The following CACNA2D3 variants were observed in gnomAD, a reference collection of about 807,000 sequenced individuals.
CACNA2D3 encodes the protein voltage-dependent calcium channel subunit alpha-2/delta-3.
Under a neutral mutation model 160.6 loss-of-function variants are expected in CACNA2D3, and 60 were observed. That is an observed-to-expected ratio of 0.37 (90% CI 0.30 to 0.46). The LOEUF is 0.46. Among genes scored for constraint, CACNA2D3 ranks in the 20% least tolerant of loss-of-function variants. The probability of loss-of-function intolerance (pLI) is 1.00; values close to 1 mark genes in which losing one functional copy is unlikely to be tolerated. For missense variants in CACNA2D3, 1,205 were observed against 1,365.0 expected (o/e 0.88, Z 1.85); for synonymous variants, 558 against 492.9 (o/e 1.13, Z -1.75).
chr3:54,367,834 C>G (rs966161708), intron 3 of CACNA2D3, among the ~76,000 whole-genome samples: 1 of 152,198 alleles, frequency 6.6e-6, no homozygotes, highest in Non-Finnish European at 1.5e-5. Context: ...TTCTTGGCCC[C>G]TGACCAAGAA....
chr3:54,576,226 A>G (rs1272791635), intron 8 of CACNA2D3, among the ~76,000 whole-genome samples: 4 of 152,140 alleles, frequency 2.6e-5, no homozygotes. Flanking sequence ...AGCTTCTGAC[A>G]TTAGGTGGGT....
At position 54,293,163 on chromosome 3, in the gene CACNA2D3, G is replaced by A. The variant is rs755947470; in HGVS notation, c.205-27279G>A. On this transcript the variant is annotated intron_variant, in intron 2 of 37. Transcript: ENST00000474759. Reference sequence around the variant, plus strand: ...CAGAAAGTAGAATAGAGGTTACCAGGAACTGAGTGGAGGGGAGAATGGGGT... The same window carrying A: ...CAGAAAGTAGAATAGAGGTTACCAGAAACTGAGTGGAGGGGAGAATGGGGT... 5.3e-5 allele frequency among the ~76,000 whole-genome samples: 8 copies of A among 152,288 alleles called. No individual in the cohort carries two copies. In the East Asian group the frequency reaches 1.3e-3, roughly 26 times the overall value.
intron 4 of CACNA2D3, among the ~76,000 whole-genome samples, chr3:54,460,810 A>G (rs144917033): frequency 0.042 from 6,405 of 152,156 alleles, 470 homozygotes; most frequent in African/African-American, 0.15. Context: ...TTCCAACACT[A>G]TGTTGAATAG....
At chr3:54,242,859 A>G (rs934137482) in intron 2 of CACNA2D3, among the ~76,000 whole-genome samples, 16 of 152,236 alleles carry the variant, frequency 1.1e-4, no homozygotes, top group Non-Finnish European at 1.9e-4. Flanking sequence ...GTCTTGGAAC[A>G]TGGTCAGTTA....
At chr3:54,954,581 T>C (rs548790537) in intron 27 of CACNA2D3, among the ~76,000 whole-genome samples, 1 of 152,310 alleles carries the variant, frequency 6.6e-6, no homozygotes, top group Admixed American at 6.5e-5. Flanking sequence ...CCAAATCATC[T>C]TTCCTGAGCA....
chr3:54,314,375 A>C (rs575328449), intron 2 of CACNA2D3, among the ~76,000 whole-genome samples: 116 of 152,316 alleles, frequency 7.6e-4, no homozygotes, highest in Admixed American at 7.4e-3. Flanking sequence ...ATGTGTGTGC[A>C]AGTATCTTTT....
rs376584763 is a variant in CACNA2D3, at chr3:54,624,034, T to TGA, written c.964-3741_964-3740dup. On this transcript the variant is annotated intron_variant, in intron 9 of 37. Transcript: ENST00000474759. The stretch of plus-strand genomic sequence containing the variant: ...GAGGAGGAGAAGAGGGAGTTGGACA[T>TGA]GAGAGAGAGAGAGGAGGGAGAAACA... 2.6e-3 allele frequency among the ~76,000 whole-genome samples: 392 copies of TGA among 151,342 alleles called. 2 individuals carry two copies. Among genetic ancestry groups the TGA allele is most frequent in the African/African-American group, 8.9e-3 (369 of 41,258 alleles).
chr3:54,569,013 A>G (rs1435005253), intron 6 of CACNA2D3, among the ~76,000 whole-genome samples: 1 of 152,226 alleles, frequency 6.6e-6, no homozygotes, highest in Non-Finnish European at 1.5e-5. Flanking sequence ...CTCTGTTGCA[A>G]ATCCTCCATC....
chr3:54,487,835 G>A (rs1701040935), intron 4 of CACNA2D3, among the ~76,000 whole-genome samples: 1 of 152,214 alleles, frequency 6.6e-6, no homozygotes. Context: ...AGTCACACTG[G>A]TGACCTTCAC....
At chr3:54,181,784 A>G (rs957479510) in intron 2 of CACNA2D3, among the ~76,000 whole-genome samples, 1 of 152,186 alleles carries the variant, frequency 6.6e-6, no homozygotes, top group Admixed American at 6.5e-5. Context: ...ACTGGTTGAC[A>G]TAGGCTTTGG....
intron 3 of CACNA2D3, among the ~76,000 whole-genome samples, chr3:54,340,522 A>G (rs958460840): frequency 1.9e-4 from 29 of 152,338 alleles, no homozygotes; most frequent in African/African-American, 6.3e-4. Flanking sequence ...CAGAAAACGT[A>G]CCTTCTTCCA....
At chr3:54,822,934 A>G (rs952087561) in intron 14 of CACNA2D3, among the ~76,000 whole-genome samples, 1 of 150,608 alleles carries the variant, frequency 6.6e-6, no homozygotes, top group African/African-American at 2.5e-5. Flanking sequence ...GGCTCACTGC[A>G]ACCTCTGCCT....
intron 9 of CACNA2D3, among the ~76,000 whole-genome samples, chr3:54,619,626 A>G (rs191879769): frequency 4.9e-4 from 74 of 152,290 alleles, no homozygotes; most frequent in African/African-American, 1.6e-3. Flanking sequence ...GTCTCCCCCA[A>G]ATTGCAAACA....
At chr3:54,918,204 T>C in intron 27 of CACNA2D3, 2 of 416,350 alleles carry the variant, frequency 4.8e-6, no homozygotes, top group South Asian at 3.3e-5. Context: ...TACCCCCACA[T>C]AGAATCGTCG....
intron 29 of CACNA2D3, among the ~76,000 whole-genome samples, chr3:54,977,733 A>G (rs1481312340): frequency 2.0e-5 from 3 of 152,198 alleles, no homozygotes; most frequent in African/African-American, 7.2e-5. Context: ...AATGAGCATC[A>G]TGATGTTACC....
At chr3:54,732,038 A>G (rs1701399845) in intron 11 of CACNA2D3, among the ~76,000 whole-genome samples, 1 of 152,146 alleles carries the variant, frequency 6.6e-6, no homozygotes, top group Non-Finnish European at 1.5e-5. Flanking sequence ...TGATGTTCAC[A>G]TGTCCTCATT....
chr3:54,486,363 T>G (rs1048163134), intron 4 of CACNA2D3, among the ~76,000 whole-genome samples: 17 of 152,178 alleles, frequency 1.1e-4, no homozygotes, highest in Non-Finnish European at 1.8e-4. Flanking sequence ...CTTTTTCTCC[T>G]GGGAGAAAAA....
chr3:54,423,491 G>T (rs1307145227), intron 4 of CACNA2D3, among the ~76,000 whole-genome samples: 1 of 152,144 alleles, frequency 6.6e-6, no homozygotes, highest in Admixed American at 6.5e-5. Context: ...CACAGAGCTG[G>T]TACTGATTCG....
At chr3:54,235,239 G>A (rs924135910) in intron 2 of CACNA2D3, among the ~76,000 whole-genome samples, 19 of 152,182 alleles carry the variant, frequency 1.2e-4, no homozygotes, top group African/African-American at 4.1e-4. Context: ...GAAGGATCCT[G>A]TATTAGTCCA....
Sources: gnomAD v4.1 joint callset for allele counts (sites outside exome capture counted in the v4.1 genomes callset) on GRCh38, gnomAD v4.1.1 for gene constraint, MANE v1.5 for transcripts, NCBI Gene and HGNC (gene_info 2026-07-23, HGNC 2026-07-21) for gene names.